The following RPS6KA3 variants were observed in gnomAD, a reference collection of about 807,000 sequenced individuals.
RPS6KA3 encodes the protein ribosomal protein S6 kinase alpha-3.
RPS6KA3 carries 4 observed loss-of-function variants against 67.2 expected under a neutral mutation model. The ratio of observed to expected loss-of-function variants is 0.06; its 90% CI spans 0.03 to 0.14. The LOEUF (loss-of-function observed/expected upper bound fraction) is 0.14, where lower values mean the gene tolerates loss of function less well. Among genes scored for constraint, RPS6KA3 ranks in the 10% least tolerant of loss-of-function variants. The pLI, the probability that RPS6KA3 is intolerant of heterozygous loss-of-function variation, is 1.00. For missense variants in RPS6KA3, 204 were observed against 559.0 expected (o/e 0.36, Z 6.40); for synonymous variants, 182 against 183.7 (o/e 0.99, Z 0.07).
intron 4 of RPS6KA3, chrX:20,203,257 T>C (rs1394669964): frequency 1.0e-5 from 1 of 98,411 alleles, no homozygotes; most frequent in Admixed American, 1.1e-4. Context: ...TATTTCTTCT[T>C]AACTACTTTT....
intron 2 of RPS6KA3, among the ~76,000 whole-genome samples, chrX:20,226,620 G>A (rs188223593): frequency 8.9e-6 from 1 of 112,099 alleles, no homozygotes; most frequent in East Asian, 2.8e-4. Context: ...ATTTTTGCCT[G>A]ATCACACCAG....
intron 15 of RPS6KA3, among the ~76,000 whole-genome samples, chrX:20,171,164 G>A (rs959247222): frequency 1.8e-5 from 2 of 111,854 alleles, no homozygotes; most frequent in Non-Finnish European, 3.8e-5. Context: ...CAAAATAATC[G>A]ACTATATATG....
chrX:20,202,172 G>A (rs902334359), intron 4 of RPS6KA3, among the ~76,000 whole-genome samples: 3 of 108,283 alleles, frequency 2.8e-5, no homozygotes, highest in Non-Finnish European at 5.7e-5. Context: ...TAGTAGAGAC[G>A]GGGTTTTGCC....
chrX:20,222,314 C>G (rs775984123), intron 2 of RPS6KA3, among the ~76,000 whole-genome samples: 1 of 111,615 alleles, frequency 9.0e-6, no homozygotes, highest in Non-Finnish European at 1.9e-5. Context: ...TTAAGTGAGG[C>G]CTTAGACCCA....
At chrX:20,241,429 GAA>G (rs1166076802) in intron 1 of RPS6KA3, among the ~76,000 whole-genome samples, 1 of 75,958 alleles carries the variant, frequency 1.3e-5, no homozygotes. Context: ...TTGAGTAAAT[GAA>G]AAAAAAAAGA....
At chrX:20,263,712 A>G (rs1279637928) in intron 1 of RPS6KA3, among the ~76,000 whole-genome samples, 2 of 111,926 alleles carry the variant, frequency 1.8e-5, no homozygotes, top group Non-Finnish European at 3.8e-5. Context: ...TAAAAAACAG[A>G]TAAGATTCAT....
intron 1 of RPS6KA3, among the ~76,000 whole-genome samples, chrX:20,261,511 A>G (rs1344903876): frequency 8.9e-6 from 1 of 112,367 alleles, no homozygotes; most frequent in African/African-American, 3.2e-5. Flanking sequence ...ACTTCCTCCT[A>G]TGTTTCTGTA....
intron 15 of RPS6KA3, 83 bp downstream of exon 15, chrX:20,172,663 A>G: frequency 2.3e-6 from 2 of 863,213 alleles, no homozygotes; most frequent in Non-Finnish European, 3.3e-6. Context: ...ACTTTTAACA[A>G]CAAGGGGAGT....
At chrX:20,261,622 T>C (rs747513854) in intron 1 of RPS6KA3, among the ~76,000 whole-genome samples, 54 of 112,641 alleles carry the variant, frequency 4.8e-4, no homozygotes, top group Non-Finnish European at 7.3e-4. Flanking sequence ...ATGTGCTATA[T>C]GGATACATTT....
At chrX:20,163,819 C>T (rs1006290605) in intron 18 of RPS6KA3, among the ~76,000 whole-genome samples, 36 of 111,283 alleles carry the variant, frequency 3.2e-4, no homozygotes, top group Non-Finnish European at 6.6e-4. Flanking sequence ...CAGGCATGTG[C>T]CATCACGCTT....
chrX:20,195,117 T>C lies in RPS6KA3; in HGVS notation c.354A>G (p.Glu118=). The C allele has an allele frequency of 8.3e-7, 1 of 1,198,202 alleles. No homozygotes were observed. Among genetic ancestry groups the C allele is most frequent in the Non-Finnish European group, 1.1e-6 (1 of 883,244 alleles). The change falls in exon 5 of 22, where the codon GAA becomes GAG. Residue 118 remains glutamate, a synonymous_variant. Coordinates refer to ENST00000379565, the MANE Select transcript of RPS6KA3 (RefSeq NM_004586.3). Reference sequence around the variant, plus strand: ...GATTAACCTCTACCAAGATATCACGTTCCATTTTTGTCCGAACTCGGTCTC... The same window carrying C: ...GATTAACCTCTACCAAGATATCACGCTCCATTTTTGTCCGAACTCGGTCTC... ...KVRDRVRTKM[E]RDILVEVNHP... is the part of the protein sequence containing the mutation.
At chrX:20,160,571 C>A (rs769772856) in intron 20 of RPS6KA3, among the ~76,000 whole-genome samples, 1 of 110,697 alleles carries the variant, frequency 9.0e-6, no homozygotes, top group Non-Finnish European at 1.9e-5. Flanking sequence ...GGATTACAGG[C>A]ACCTGCTACC....
chrX:20,173,375 T>C (rs2067619930), intron 14 of RPS6KA3, among the ~76,000 whole-genome samples: 1 of 112,147 alleles, frequency 8.9e-6, no homozygotes, highest in African/African-American at 3.2e-5. Context: ...AAAAATAATG[T>C]ATTTGCAAGC....
In RPS6KA3 at chrX:20,234,828, A is replaced by G; in HGVS notation, c.70-14T>C. The stretch of plus-strand genomic sequence containing the variant: ...TTGCTGTCCATTCTGTGAAAAGCAC[A>G]GCAAGCAGGAAGTTACCAAAACAGA... On this transcript the variant is annotated splice_polypyrimidine_tract_variant and intron_variant, in intron 1 of 21. Coordinates refer to ENST00000379565, the MANE Select transcript of RPS6KA3 (RefSeq NM_004586.3). 1 of 1,185,019 alleles carries G rather than the reference A, an allele frequency of 8.4e-7. No homozygotes were observed. Among genetic ancestry groups the G allele is most frequent in the Non-Finnish European group, 1.1e-6 (1 of 871,724 alleles).
intron 1 of RPS6KA3, among the ~76,000 whole-genome samples, chrX:20,251,450 G>A (rs2069864121): frequency 8.9e-6 from 1 of 112,723 alleles, no homozygotes; most frequent in Non-Finnish European, 1.9e-5. Context: ...TGGGATTACA[G>A]GCGTAAGTCT....
At chrX:20,238,230 C>T (rs923254642) in intron 1 of RPS6KA3, among the ~76,000 whole-genome samples, 5 of 111,271 alleles carry the variant, frequency 4.5e-5, no homozygotes, top group African/African-American at 9.8e-5. Flanking sequence ...AACCCTCAAA[C>T]GACCAATGCA....
chrX:20,186,956 C>T (rs770265658), intron 9 of RPS6KA3, among the ~76,000 whole-genome samples: 1 of 111,646 alleles, frequency 9.0e-6, no homozygotes, highest in Admixed American at 9.5e-5. Flanking sequence ...GCCTTAGCCT[C>T]CCAAGTAGCT....
upstream of RPS6KA3, chrX:20,266,931 G>C: frequency 1.5e-6 from 1 of 687,690 alleles, no homozygotes; most frequent in Non-Finnish European, 1.7e-6. Flanking sequence ...TTCCGCCGCC[G>C]GGACTACGGC....
chrX:20,163,046 A>G lies in RPS6KA3; in HGVS notation c.1765-6T>C. 1 of 1,127,269 alleles carries G rather than the reference A, an allele frequency of 8.9e-7. No homozygotes were observed. Among genetic ancestry groups the G allele is most frequent in the South Asian group, 1.8e-5 (1 of 55,045 alleles). The allele number at this position is 1,127,269 out of a possible 1,213,427, so 92.9% of individuals were successfully genotyped here. A position where few individuals can be genotyped will look rare whatever the true frequency, so the allele number is the denominator to read the frequency against. ...TAGCCTTGTCTTTTTAAAACCTAGA[A>G]AAAGTGCAAAATTAGTATTACTATA... On this transcript the variant is annotated splice_polypyrimidine_tract_variant and splice_region_variant and intron_variant, in intron 18 of 21. Transcript: ENST00000379565.
Sources: allele counts gnomAD v4.1 joint callset (sites outside exome capture counted in the v4.1 genomes callset), GRCh38; gene constraint gnomAD v4.1.1; transcripts MANE v1.5; gene names NCBI Gene and HGNC (gene_info 2026-07-23, HGNC 2026-07-21).